DOCK9: variants seen among roughly 807,000 people sequenced by gnomAD.
The protein encoded by DOCK9 is dedicator of cytokinesis protein 9.
DOCK9 carries 89 observed loss-of-function variants against 263.3 expected under a neutral mutation model. The observed-to-expected ratio is 0.34, with a 90% confidence interval of 0.28 to 0.40. The LOEUF is 0.40. DOCK9 is among the 10% of genes least tolerant of loss of function. The pLI is 1.00. For missense variants in DOCK9, 2,140 were observed against 2,603.4 expected, an observed-to-expected ratio of 0.82 and a Z score of 3.87; for synonymous variants, 976 against 973.1, an observed-to-expected ratio of 1.00 and a Z score of -0.06.
At chr13:98,895,258 A>G (rs1228834089) in intron 15 of DOCK9, among the ~76,000 whole-genome samples, 1 of 152,138 alleles carries the variant, frequency 6.6e-6, no homozygotes, top group Non-Finnish European at 1.5e-5. Flanking sequence ...AAATGTATAT[A>G]TAACACTTTC....
At chr13:98,868,513 C>G in intron 27 of DOCK9, 136 bp from the exon 28 acceptor site, 1 of 1,051,222 alleles carries the variant, frequency 9.5e-7, no homozygotes. Flanking sequence ...CTTGTAACCC[C>G]AGCACTTTGG....
chr13:98,914,347 T>C lies in DOCK9; in HGVS notation c.941A>G (p.Tyr314Cys), dbSNP rs757638636. ...LEGSGSGLDS[Y>C]LPELAKSARE... Reference sequence around the variant, plus strand: ...TGTTACCTTGGCAAGTTCCGGCAGGTAGCTATCTAAACCGGAACCAGAACC... The same window carrying C: ...TGTTACCTTGGCAAGTTCCGGCAGGCAGCTATCTAAACCGGAACCAGAACC... The change falls in exon 9 of 53, where the codon TAC (tyrosine) becomes TGC (cysteine). Residue 314 changes from tyrosine to cysteine, a missense_variant. Coordinates refer to ENST00000682017, the MANE Select transcript of DOCK9 (RefSeq NM_001366683.2). 7 of 1,609,448 alleles carry C rather than the reference T, an allele frequency of 4.3e-6. No individual in the cohort carries two copies. The highest frequency in any genetic ancestry group is 5.9e-6 in the Non-Finnish European group (7 of 1,178,158).
Position 98,884,992 on chromosome 13 carries a change from G to A in DOCK9, c.2361C>T (p.Tyr787=), listed in dbSNP as rs779696417. The A allele has an allele frequency of 1.9e-6, 3 of 1,613,556 alleles. No homozygotes were observed. The highest frequency in any genetic ancestry group is 2.2e-5 in the South Asian group (2 of 90,978). Residue 787 remains tyrosine, a synonymous_variant, in exon 21 of 53, where the codon TAC becomes TAT. Coordinates refer to ENST00000682017, the MANE Select transcript of DOCK9 (RefSeq NM_001366683.2). The part of the protein sequence containing the change: ...SANLPSGYLG[Y]QELGMGRHYG... ...ATACCCTGCCCATCCCAAGCTCCTG[G>A]TAGCCAAGATAGCCCGAAGGAAGGT...
At chr13:98,830,476 G>A (rs1200299413) in intron 41 of DOCK9, among the ~76,000 whole-genome samples, 4 of 152,286 alleles carry the variant, frequency 2.6e-5, no homozygotes, top group East Asian at 3.9e-4. Context: ...GTCCAAATAT[G>A]CAATGATTTG....
At chr13:98,879,819 T>C in intron 27 of DOCK9, 79 bp downstream of exon 27, 4 of 1,218,506 alleles carry the variant, frequency 3.3e-6, no homozygotes, top group South Asian at 1.5e-5. Flanking sequence ...AGAGAAAGCA[T>C]GAAGAAACGT....
intron 1 of DOCK9, among the ~76,000 whole-genome samples, chr13:99,050,394 C>T (rs1434224343): frequency 6.6e-6 from 1 of 152,134 alleles, no homozygotes; most frequent in African/African-American, 2.4e-5. Context: ...CTTATTCTCC[C>T]ATCCAATCAA....
At position 98,994,983 on chromosome 13, in the gene DOCK9, T is replaced by G. The variant is rs561563453; in HGVS notation, c.130-39432A>C. On this transcript the variant is annotated intron_variant, in intron 1 of 32. Transcript: ENST00000427887. The stretch of plus-strand genomic sequence containing the variant: ...ATTCTAAGTTCGTGAGGTATGGTTA[T>G]TACCCTTTGACAAACAGGAAATTGC... Among the ~76,000 whole-genome samples, 10 of 152,342 alleles carry G rather than the reference T, an allele frequency of 6.6e-5. No homozygotes were observed. In the South Asian group the frequency reaches 2.1e-3, roughly 32 times the overall value.
chr13:98,880,721 G>A (rs1409446847), intron 25 of DOCK9, 49 bp from the exon 26 acceptor site: 1 of 1,596,116 alleles, frequency 6.3e-7, no homozygotes, highest in Admixed American at 1.7e-5. Context: ...CTCCAATGTG[G>A]GCTGAAAGCT....
intron 1 of DOCK9, among the ~76,000 whole-genome samples, chr13:98,999,316 A>ACACACTCTCTCTCT: frequency 2.0e-3 from 271 of 138,362 alleles, no homozygotes; most frequent in African/African-American, 6.3e-3. Flanking sequence ...ACACACACAC[A>ACACACTCTCTCTCT]CTCTCTCTCT....
intron 1 of DOCK9, among the ~76,000 whole-genome samples, chr13:99,061,338 A>T (rs1360340489): frequency 6.6e-6 from 1 of 152,334 alleles, no homozygotes; most frequent in East Asian, 1.9e-4. Context: ...TCTTTTAAAA[A>T]ATATTATCTC....
intron 1 of DOCK9, among the ~76,000 whole-genome samples, chr13:99,021,512 G>A (rs971372339): frequency 4.6e-5 from 7 of 151,956 alleles, no homozygotes; most frequent in South Asian, 4.2e-4. Context: ...GGTGGCGGGC[G>A]CCTGTAGTCC....
At chr13:98,906,359 G>GA (rs1049573458) in intron 9 of DOCK9, among the ~76,000 whole-genome samples, 1 of 152,148 alleles carries the variant, frequency 6.6e-6, no homozygotes, top group African/African-American at 2.4e-5. Flanking sequence ...GGCTGGAGAT[G>GA]AAGGATTTGG....
intron 47 of DOCK9, among the ~76,000 whole-genome samples, chr13:98,808,885 A>G (rs1311601958): frequency 2.0e-5 from 3 of 152,212 alleles, no homozygotes; most frequent in African/African-American, 7.2e-5. Flanking sequence ...ATTATACTAC[A>G]AAGGATAAAG....
chr13:98,851,347 G>T (rs2093562998), intron 35 of DOCK9, among the ~76,000 whole-genome samples: 1 of 152,206 alleles, frequency 6.6e-6, no homozygotes, highest in African/African-American at 2.4e-5. Flanking sequence ...ATCTTTAGGG[G>T]TTTCAAGTTT....
chr13:99,008,546 C>T (rs1883905398), intron 1 of DOCK9, among the ~76,000 whole-genome samples: 1 of 151,988 alleles, frequency 6.6e-6, no homozygotes, highest in Admixed American at 6.6e-5. Context: ...TGTGGAGTCT[C>T]TTGAAAGCAA....
chr13:98,929,884 C>T (rs1395083700), intron 3 of DOCK9, among the ~76,000 whole-genome samples: 1 of 152,088 alleles, frequency 6.6e-6, no homozygotes, highest in Non-Finnish European at 1.5e-5. Flanking sequence ...TATTTTAAGT[C>T]CATGAGATAA....
At chr13:98,935,157 A>G (rs2054610971) in intron 2 of DOCK9, among the ~76,000 whole-genome samples, 1 of 152,210 alleles carries the variant, frequency 6.6e-6, no homozygotes. Context: ...CTTAAGCTAA[A>G]CTGTAAAGGA....
At chr13:99,084,746 A>G (rs2042263688) in intron 1 of DOCK9, among the ~76,000 whole-genome samples, 1 of 152,212 alleles carries the variant, frequency 6.6e-6, no homozygotes, top group South Asian at 2.1e-4. Context: ...TCTGCCTCAA[A>G]TCCCTGATGA....
chr13:98,839,921 A>G (rs1259858613), intron 38 of DOCK9, among the ~76,000 whole-genome samples: 1 of 152,272 alleles, frequency 6.6e-6, no homozygotes, highest in Non-Finnish European at 1.5e-5. Flanking sequence ...TGAGTCATAC[A>G]GGAATCTAAA....
Sources: allele counts gnomAD v4.1 joint callset (sites outside exome capture counted in the v4.1 genomes callset), GRCh38; gene constraint gnomAD v4.1.1; transcripts MANE v1.5; gene names NCBI Gene and HGNC (gene_info 2026-07-23, HGNC 2026-07-21).